Variants in MTM1 observed in about 807,000 individuals in gnomAD.
MTM1 encodes myotubularin 1, also known as myotubularin.
Under a neutral mutation model 52.1 loss-of-function variants are expected in MTM1, and 9 were observed. The observed-to-expected ratio is 0.17, with a 90% CI of 0.10 to 0.30. The LOEUF (loss-of-function observed/expected upper bound fraction) is 0.30. Ranked by LOEUF, MTM1 falls within the 10% of genes least tolerant of loss-of-function variation. The pLI, the probability that MTM1 is intolerant of heterozygous loss-of-function variation, is 1.00. For synonymous variants in MTM1, 136 were observed against 163.8 expected (o/e 0.83, Z 1.29); for missense variants, 277 against 470.7 (o/e 0.59, Z 3.81).
At chrX:150,573,031 G>A (rs782108379) in intron 1 of MTM1, among the ~76,000 whole-genome samples, 1 of 112,738 alleles carries the variant, frequency 8.9e-6, no homozygotes, top group Non-Finnish European at 1.9e-5. Context: ...TAAAAAGGGC[G>A]AGGTTGGAGA....
At chrX:150,638,501 A>G (rs2080151672) in intron 6 of MTM1, among the ~76,000 whole-genome samples, 1 of 111,913 alleles carries the variant, frequency 8.9e-6, no homozygotes, top group Admixed American at 9.5e-5. Flanking sequence ...TTAATATCCT[A>G]TCTTTTTAAA....
At chrX:150,661,265 C>T (rs1437163331) in intron 13 of MTM1, among the ~76,000 whole-genome samples, 1 of 111,105 alleles carries the variant, frequency 9.0e-6, no homozygotes, top group African/African-American at 3.3e-5. Context: ...CTCAAGTGAT[C>T]CACCCGCCTC....
chrX:150,624,454 C>T (rs1281472802), intron 6 of MTM1, among the ~76,000 whole-genome samples: 1 of 111,354 alleles, frequency 9.0e-6, no homozygotes, highest in Non-Finnish European at 1.9e-5. Flanking sequence ...GATAGTGCTA[C>T]AGAAAGATAA....
At chrX:150,573,531 A>G (rs2038415414) in intron 1 of MTM1, among the ~76,000 whole-genome samples, 1 of 112,604 alleles carries the variant, frequency 8.9e-6, no homozygotes, top group Non-Finnish European at 1.9e-5. Context: ...TTTTGATAGC[A>G]TGTCCTTGAA....
intron 14 of MTM1, among the ~76,000 whole-genome samples, chrX:150,670,141 G>A (rs1373734406): frequency 2.7e-5 from 3 of 112,236 alleles, no homozygotes; most frequent in Admixed American, 9.4e-5. Context: ...AAATGTATAC[G>A]TATGTCAAGA....
intron 13 of MTM1, among the ~76,000 whole-genome samples, chrX:150,662,626 G>A (rs1569565534): frequency 8.9e-6 from 1 of 112,127 alleles, no homozygotes; most frequent in Non-Finnish European, 1.9e-5. Context: ...ACCCGGCCAC[G>A]AAATTTCTTT....
At chrX:150,615,887 TTATC>T in intron 5 of MTM1, among the ~76,000 whole-genome samples, 1 of 111,448 alleles carries the variant, frequency 9.0e-6, no homozygotes. Flanking sequence ...CCTTAATGCT[TTATC>T]TATTATCCCA....
chrX:150,601,064 T>C (rs1194722472), intron 4 of MTM1, among the ~76,000 whole-genome samples: 1 of 112,118 alleles, frequency 8.9e-6, no homozygotes, highest in Non-Finnish European at 1.9e-5. Flanking sequence ...CTTTCACTTG[T>C]CAATATTTTT....
At chrX:150,670,694 TG>T (rs1557415110) in intron 14 of MTM1, among the ~76,000 whole-genome samples, 1 of 111,921 alleles carries the variant, frequency 8.9e-6, no homozygotes, top group African/African-American at 3.3e-5. Context: ...TGGCAGCATC[TG>T]GTGAGGTTGA....
At chrX:150,597,665 A>G (rs1557412635) in intron 3 of MTM1, among the ~76,000 whole-genome samples, 2 of 111,955 alleles carry the variant, frequency 1.8e-5, no homozygotes, top group African/African-American at 6.5e-5. Context: ...TATTTCTATT[A>G]TAATTAATTA....
At chrX:150,607,296 G>A (rs2148445480) in intron 4 of MTM1, among the ~76,000 whole-genome samples, 1 of 111,045 alleles carries the variant, frequency 9.0e-6, no homozygotes, top group Admixed American at 9.6e-5. Context: ...CCTTGCCCAA[G>A]TATCTTTATT....
At chrX:150,636,269 C>A (rs1178535401) in intron 6 of MTM1, among the ~76,000 whole-genome samples, 1 of 111,525 alleles carries the variant, frequency 9.0e-6, no homozygotes, top group African/African-American at 3.3e-5. Flanking sequence ...GATGTTGCTT[C>A]TGTTCAGGTT....
intron 6 of MTM1, among the ~76,000 whole-genome samples, chrX:150,629,389 GT>G (rs1557413494): frequency 8.9e-6 from 1 of 111,908 alleles, no homozygotes; most frequent in African/African-American, 3.3e-5. Context: ...CTGTCAAGAA[GT>G]TATCTGGGCA....
At chrX:150,596,767 G>A (rs1456276487) in intron 3 of MTM1, 197 bp downstream of exon 3, 4 of 403,598 alleles carry the variant, frequency 9.9e-6, no homozygotes, top group Non-Finnish European at 1.7e-5. Context: ...CACAAGGGTA[G>A]TGATATTCTT....
At chrX:150,574,387 T>A (rs1273734867) in intron 1 of MTM1, among the ~76,000 whole-genome samples, 5 of 110,816 alleles carry the variant, frequency 4.5e-5, no homozygotes, top group Non-Finnish European at 9.4e-5. Context: ...TTAAGCTGAA[T>A]GTGAATTTTA....
rs782421279 is a variant in MTM1, at chrX:150,634,429, C to G, written c.445-4514C>G. On this transcript the variant is annotated intron_variant, in intron 6 of 14. Coordinates refer to ENST00000370396, the MANE Select transcript of MTM1 (RefSeq NM_000252.3). ...CTGTTGTCATTTCAGAGACTTTACC[C>G]CCACAAGTTACAATGATAAATGTAG... Among the ~76,000 whole-genome samples the G allele has an allele frequency of 1.9e-4, 21 of 112,123 alleles. No homozygotes were observed. In the South Asian group the frequency reaches 7.8e-3, roughly 41 times the overall value.
At chrX:150,669,477 TCCCA>T (rs1282435851) in intron 14 of MTM1, among the ~76,000 whole-genome samples, 1 of 111,941 alleles carries the variant, frequency 8.9e-6, no homozygotes, top group East Asian at 2.8e-4. Context: ...TAATTTACAC[TCCCA>T]CCAACAGTGT....
chrX:150,591,172 T>C (rs2038878247), intron 1 of MTM1: 1 of 206,788 alleles, frequency 4.8e-6, no homozygotes, highest in South Asian at 2.3e-4. Flanking sequence ...TTTCAGCTCT[T>C]CTAAGTTGAG....
intron 4 of MTM1, among the ~76,000 whole-genome samples, chrX:150,603,448 C>T (rs782711695): frequency 7.2e-5 from 8 of 111,581 alleles, no homozygotes; most frequent in Non-Finnish European, 1.5e-4. Context: ...GGAAGCCCAA[C>T]TAGGAAGTTA....
Sources: allele counts gnomAD v4.1 joint callset (sites outside exome capture counted in the v4.1 genomes callset), GRCh38; gene constraint gnomAD v4.1.1; transcripts MANE v1.5; gene names NCBI Gene and HGNC (gene_info 2026-07-23, HGNC 2026-07-21).